HMCN1: variants seen among roughly 807,000 people sequenced by gnomAD.
HMCN1 encodes the protein hemicentin-1.
HMCN1 carries 321 observed loss-of-function variants against 625.9 expected under a neutral mutation model. That is an observed-to-expected ratio of 0.51 (90% CI 0.47 to 0.56). HMCN1 has a LOEUF of 0.56. Ranked by LOEUF, HMCN1 falls within the 20% of genes least tolerant of loss-of-function variation. The pLI, the probability that HMCN1 is intolerant of heterozygous loss-of-function variation, is 0.00. For synonymous variants in HMCN1, 2,425 were observed against 2,417.6 expected (o/e 1.00, Z -0.09); for missense variants, 6,588 against 6,887.3 (o/e 0.96, Z 1.54).
intron 106 of HMCN1, among the ~76,000 whole-genome samples, chr1:186,188,255 T>C (rs775215137): frequency 2.0e-5 from 3 of 152,220 alleles, no homozygotes; most frequent in Non-Finnish European, 4.4e-5. Context: ...TCCCAGAATA[T>C]AACATGTAAC....
At chr1:185,900,635 A>G (rs1483367732) in intron 4 of HMCN1, among the ~76,000 whole-genome samples, 6 of 151,942 alleles carry the variant, frequency 3.9e-5, no homozygotes, top group Admixed American at 1.3e-4. Flanking sequence ...GAATCCTCCA[A>G]TTTATCTGCC....
chr1:186,052,896 G>A, intron 42 of HMCN1, 56 bp from the exon 43 acceptor site: 1 of 1,419,452 alleles, frequency 7.0e-7, no homozygotes, highest in Non-Finnish European at 1.0e-6. Flanking sequence ...CATGTAAACT[G>A]TTATGAGAAT....
intron 1 of HMCN1, among the ~76,000 whole-genome samples, chr1:185,791,577 C>T (rs1657999390): frequency 6.6e-6 from 1 of 151,976 alleles, no homozygotes; most frequent in African/African-American, 2.4e-5. Flanking sequence ...AAAAAATTAG[C>T]TGGGCACGGT....
At chr1:186,110,977 C>CTTTTTTTTTTTTGTTTTTTTTTTTTTTT (rs1660849390) in intron 71 of HMCN1, among the ~76,000 whole-genome samples, 1 of 61,646 alleles carries the variant, frequency 1.6e-5, no homozygotes, top group African/African-American at 9.8e-5. Context: ...AGAGAAAATT[C>CTTTTTTTTTTTTGTTTTTTTTTTTTTTT]TTTTTTTTTT....
chr1:185,868,417 C>T (rs922399161), intron 4 of HMCN1, among the ~76,000 whole-genome samples: 2 of 152,086 alleles, frequency 1.3e-5, no homozygotes, highest in Non-Finnish European at 2.9e-5. Context: ...TTGGAGGGAC[C>T]TAATCGGAGG....
At chr1:186,064,829 GTATA>G (rs1310039266) in intron 48 of HMCN1, among the ~76,000 whole-genome samples, 1 of 111,832 alleles carries the variant, frequency 8.9e-6, no homozygotes, top group Non-Finnish European at 1.8e-5. Context: ...AAAAAAAAAA[GTATA>G]TGAATACAAA....
intron 1 of HMCN1, among the ~76,000 whole-genome samples, chr1:185,762,608 T>C (rs992800906): frequency 1.3e-5 from 2 of 152,152 alleles, no homozygotes; most frequent in African/African-American, 2.4e-5. Context: ...ATCTTAGTGA[T>C]AAAGTCAGGC....
rs762446786 is a variant in HMCN1, at chr1:186,001,447, A to G, written c.4200+19A>G. On this transcript the variant is annotated intron_variant, in intron 27 of 106. Transcript: ENST00000271588. ...TGTCCAGGTAAATAGAGTCATCCAA[A>G]TACGTGTAATTCCTTGCCTCTGCAT... The G allele has an allele frequency of 1.2e-5, 19 of 1,611,648 alleles. No individual in the cohort carries two copies. In the South Asian group the frequency reaches 2.1e-4, roughly 18 times the overall value.
chr1:186,003,758 C>T lies in HMCN1; in HGVS notation c.4389C>T (p.Val1463=). The T allele has an allele frequency of 1.2e-6, 2 of 1,613,050 alleles. No individual in the cohort carries two copies. The highest frequency in any genetic ancestry group is 4.5e-5 in the East Asian group (2 of 44,830). Residue 1463 remains valine, a synonymous_variant, in exon 29 of 107, where the codon GTC becomes GTT. Transcript: ENST00000271588. The part of the protein sequence containing the change: ...TIIGTNFPNE[V]SVVLNRDVAL... ...TAGGTACCAACTTCCCAAATGAAGT[C>T]TCAGTTGTCCTCAACCGTGACGTCG...
chr1:186,171,208 C>A, intron 100 of HMCN1, 129 bp from the exon 101 acceptor site: 1 of 703,110 alleles, frequency 1.4e-6, no homozygotes, highest in South Asian at 1.5e-5. Flanking sequence ...CACATGAGTG[C>A]AATATATTGG....
At chr1:186,121,252 G>A (rs1261090910) in intron 80 of HMCN1, among the ~76,000 whole-genome samples, 1 of 152,170 alleles carries the variant, frequency 6.6e-6, no homozygotes, top group Non-Finnish European at 1.5e-5. Flanking sequence ...TGTACCCTAA[G>A]ATATGTAGAT....
chr1:186,162,961 T>A (rs1429831510), intron 97 of HMCN1, among the ~76,000 whole-genome samples: 1 of 152,190 alleles, frequency 6.6e-6, no homozygotes, highest in Non-Finnish European at 1.5e-5. Flanking sequence ...GACATTTAAG[T>A]CTGCAGAGGT....
chr1:186,093,888 T>C (rs908426726), intron 66 of HMCN1, among the ~76,000 whole-genome samples: 3 of 152,108 alleles, frequency 2.0e-5, no homozygotes, highest in Non-Finnish European at 4.4e-5. Flanking sequence ...ATGTGTAAAA[T>C]GGTCTTTTAT....
chr1:186,181,774 A>G (rs1280375659), intron 104 of HMCN1, among the ~76,000 whole-genome samples: 1 of 152,104 alleles, frequency 6.6e-6, no homozygotes, highest in South Asian at 2.1e-4. Flanking sequence ...AGTAATCTCA[A>G]TAGGAATATT....
intron 58 of HMCN1, among the ~76,000 whole-genome samples, chr1:186,086,909 CACTT>C (rs1659534346): frequency 6.6e-6 from 1 of 151,946 alleles, no homozygotes; most frequent in African/African-American, 2.4e-5. Flanking sequence ...ACCCAGAAAA[CACTT>C]AATATATTTT....
At chr1:186,188,031 C>G (rs1458287432) in intron 106 of HMCN1, 22 bp downstream of exon 106, 10 of 1,613,504 alleles carry the variant, frequency 6.2e-6, no homozygotes, top group Non-Finnish European at 7.6e-6. Context: ...CTTCTCATCC[C>G]AGACATGCTT....
chr1:185,948,729 A>G (rs1330838581), intron 11 of HMCN1, among the ~76,000 whole-genome samples: 12 of 151,530 alleles, frequency 7.9e-5, no homozygotes, highest in African/African-American at 2.0e-4. Context: ...GAGGCCTGAC[A>G]TTCCTGCCTT....
At chr1:186,122,224 T>C (rs1336423769) in intron 80 of HMCN1, among the ~76,000 whole-genome samples, 1 of 152,182 alleles carries the variant, frequency 6.6e-6, no homozygotes, top group East Asian at 1.9e-4. Flanking sequence ...ACAAATGTAA[T>C]GGTAAGCACA....
intron 2 of HMCN1, among the ~76,000 whole-genome samples, chr1:185,857,563 T>C (rs1205542947): frequency 6.6e-6 from 1 of 152,040 alleles, no homozygotes; most frequent in Non-Finnish European, 1.5e-5. Flanking sequence ...TCATCCTGAC[T>C]GTATGCCAGG....
Sources: gnomAD v4.1 joint callset for allele counts (sites outside exome capture counted in the v4.1 genomes callset) on GRCh38, gnomAD v4.1.1 for gene constraint, MANE v1.5 for transcripts, NCBI Gene and HGNC (gene_info 2026-07-23, HGNC 2026-07-21) for gene names.